SPOPL: variants seen among roughly 807,000 people sequenced by gnomAD.
SPOPL encodes the protein speckle-type POZ protein-like.
Under a neutral mutation model 53.8 loss-of-function variants are expected in SPOPL, and 23 were observed. The ratio of observed to expected loss-of-function variants is 0.43; its 90% confidence interval spans 0.31 to 0.61. SPOPL has a LOEUF of 0.61. Among genes scored for constraint, SPOPL ranks in the 20% least tolerant of loss-of-function variants. The pLI is 0.12. For missense variants in SPOPL, 442 were observed against 466.9 expected (o/e 0.95, Z 0.49); for synonymous variants, 164 against 149.7 (o/e 1.10, Z -0.70).
At chr2:138,512,063 T>G (rs1254642840) in intron 1 of SPOPL, among the ~76,000 whole-genome samples, 1 of 152,238 alleles carries the variant, frequency 6.6e-6, no homozygotes, top group Non-Finnish European at 1.5e-5. Context: ...TTAAATTGGT[T>G]AATTAAAACA....
intron 6 of SPOPL, 28 bp from the exon 7 acceptor site, chr2:138,559,253 TA>T: frequency 1.2e-6 from 2 of 1,611,538 alleles, no homozygotes; most frequent in Non-Finnish European, 1.7e-6. Flanking sequence ...CATTTATGCA[TA>T]AAATAATGAT....
intron 1 of SPOPL, among the ~76,000 whole-genome samples, chr2:138,547,821 A>G (rs1228565095): frequency 3.3e-5 from 5 of 152,118 alleles, no homozygotes; most frequent in African/African-American, 1.2e-4. Flanking sequence ...CAGTACCTCT[A>G]TATACTATTT....
intron 1 of SPOPL, among the ~76,000 whole-genome samples, chr2:138,509,086 T>C (rs1387641360): frequency 1.3e-5 from 2 of 152,172 alleles, no homozygotes; most frequent in African/African-American, 2.4e-5. Context: ...AATGATTTTT[T>C]TATTCTCAAG....
chr2:138,559,061 A>C lies in SPOPL; in HGVS notation c.520A>C (p.Thr174Pro). The C allele has an allele frequency of 6.2e-7, 1 of 1,613,016 alleles. No homozygotes were observed. The highest frequency in any genetic ancestry group is 8.5e-7 in the Non-Finnish European group (1 of 1,179,776). The change falls in exon 6 of 11, where the codon ACT (threonine) becomes CCT (proline). Residue 174 changes from threonine (T) to proline (P), a missense_variant. By Grantham distance (38) the Thr-to-Pro change is conservative. Transcript: ENST00000280098. ...AGATTCAGTAAACATATCAGGACATACTAATACAAATACTTTGAAGGTGCC... is the reference window on the plus strand; with the variant it reads ...AGATTCAGTAAACATATCAGGACATCCTAATACAAATACTTTGAAGGTGCC... The part of the protein sequence containing the change: ...VQDSVNISGH[T>P]NTNTLKVPEC...
intron 1 of SPOPL, among the ~76,000 whole-genome samples, chr2:138,541,195 T>C (rs1178166175): frequency 2.0e-5 from 3 of 152,210 alleles, no homozygotes; most frequent in Non-Finnish European, 4.4e-5. Flanking sequence ...GATAGTGGTC[T>C]AAAATTCTCT....
At chr2:138,517,901 A>G (rs1320461555) in intron 1 of SPOPL, among the ~76,000 whole-genome samples, 3 of 151,824 alleles carry the variant, frequency 2.0e-5, no homozygotes, top group Non-Finnish European at 4.4e-5. Flanking sequence ...TACAAAAATT[A>G]GCTGGGTGTG....
intron 1 of SPOPL, among the ~76,000 whole-genome samples, chr2:138,514,794 G>A (rs566457667): frequency 6.6e-6 from 1 of 152,138 alleles, no homozygotes; most frequent in Non-Finnish European, 1.5e-5. Flanking sequence ...TTCCAAAGTT[G>A]TTGTACCAAT....
chr2:138,542,349 A>G (rs1339100058), intron 1 of SPOPL, among the ~76,000 whole-genome samples: 1 of 152,128 alleles, frequency 6.6e-6, no homozygotes, highest in African/African-American at 2.4e-5. Context: ...AAAGTCTCCC[A>G]TTATTATTGT....
At chr2:138,565,364 T>C (rs1196314833) in intron 10 of SPOPL, among the ~76,000 whole-genome samples, 1 of 152,198 alleles carries the variant, frequency 6.6e-6, no homozygotes, top group Non-Finnish European at 1.5e-5. Context: ...AGAAAGCCTT[T>C]ACATTTGAAG....
intron 1 of SPOPL, among the ~76,000 whole-genome samples, chr2:138,534,272 A>G (rs1212058775): frequency 6.6e-6 from 1 of 152,220 alleles, no homozygotes; most frequent in Non-Finnish European, 1.5e-5. Flanking sequence ...GATCAAAAAT[A>G]TATGGGAAAA....
At chr2:138,550,036 CAT>C in intron 1 of SPOPL, 119 bp from the exon 2 acceptor site, 1 of 496,898 alleles carries the variant, frequency 2.0e-6, no homozygotes, top group Non-Finnish European at 3.6e-6. Flanking sequence ...AAAATTCTCA[CAT>C]GTTCCTTCAT....
At chr2:138,558,809 A>T (rs1685481418) in intron 5 of SPOPL, among the ~76,000 whole-genome samples, 1 of 152,172 alleles carries the variant, frequency 6.6e-6, no homozygotes, top group African/African-American at 2.4e-5. Context: ...TTATTTACAT[A>T]GAATAAATTG....
intron 1 of SPOPL, among the ~76,000 whole-genome samples, chr2:138,541,157 G>C (rs1393101893): frequency 6.6e-6 from 1 of 152,154 alleles, no homozygotes; most frequent in Non-Finnish European, 1.5e-5. Flanking sequence ...GTATTTTATT[G>C]AGGATTTTTG....
At chr2:138,539,467 T>C (rs1685016270) in intron 1 of SPOPL, among the ~76,000 whole-genome samples, 1 of 152,128 alleles carries the variant, frequency 6.6e-6, no homozygotes, top group South Asian at 2.1e-4. Context: ...TGGTATCTCA[T>C]TGTGGTTTTG....
Position 138,564,761 on chromosome 2 carries a change from C to G in SPOPL, c.891C>G (p.Leu297=). The G allele has an allele frequency of 2.5e-6, 4 of 1,614,148 alleles. No homozygotes were observed. Among genetic ancestry groups the G allele is most frequent in the Non-Finnish European group, 3.4e-6 (4 of 1,180,020 alleles). Residue 297 remains leucine (L), a synonymous_variant, in exon 9 of 11, where the codon CTC becomes CTG. Coordinates refer to ENST00000280098, the MANE Select transcript of SPOPL (RefSeq NM_001001664.3). The part of the protein sequence containing the change: ...VMCEEALCSN[L]SVENVADTLV... ...GCGAAGAAGCTTTGTGTAGTAACCTCTCAGTAGAGAATGTTGCAGATACCC... is the reference window on the plus strand; with the variant it reads ...GCGAAGAAGCTTTGTGTAGTAACCTGTCAGTAGAGAATGTTGCAGATACCC...
chr2:138,569,586 C>CT lies in SPOPL; in HGVS notation c.*508dup, dbSNP rs1302272672. ...TATAAATATGGGAGAACCCTCTTACCTTCAAGGTAAGTTATGGCAATACAC... is the reference window on the plus strand; with the variant it reads ...TATAAATATGGGAGAACCCTCTTACCTTTCAAGGTAAGTTATGGCAATACAC... On this transcript the variant is annotated 3_prime_UTR_variant, in exon 11 of 11. Transcript: ENST00000280098. 1 of 152,222 alleles carries CT rather than the reference C, an allele frequency of 6.6e-6. No individual in the cohort carries two copies. Among genetic ancestry groups the CT allele is most frequent in the East Asian group, 1.9e-4 (1 of 5,192 alleles). 9.4% of individuals were successfully genotyped at this position (152,222 alleles called of 1,614,324 possible). A position where few individuals can be genotyped will look rare whatever the true frequency, so the allele number is the denominator to read the frequency against.
Position 138,569,035 on chromosome 2 carries a change from G to T in SPOPL, c.1134G>T (p.Gln378His), listed in dbSNP as rs1685725017. ...AEAFRALASAQCPQFGIPRKR... is the reference protein window; with the variant it reads ...AEAFRALASAHCPQFGIPRKR... ...CCTTTCGAGCACTAGCATCTGCACAGTGTCCACAGTTTGGCATTCCACGCA... is the reference window on the plus strand; with the variant it reads ...CCTTTCGAGCACTAGCATCTGCACATTGTCCACAGTTTGGCATTCCACGCA... The change falls in exon 11 of 11, where the codon CAG (glutamine) becomes CAT (histidine). Residue 378 changes from glutamine (Q) to histidine (H), a missense_variant. By Grantham distance (24) the Gln-to-His change is conservative (BLOSUM62 0). Transcript: ENST00000280098. 5.6e-6 allele frequency: 9 copies of T among 1,613,856 alleles called. No individual in the cohort carries two copies. Among genetic ancestry groups the T allele is most frequent in the Non-Finnish European group, 7.6e-6 (9 of 1,179,930 alleles).
chr2:138,560,577 T>C (rs16840700), intron 7 of SPOPL, among the ~76,000 whole-genome samples: 9,368 of 152,056 alleles, frequency 0.062, 773 homozygotes, highest in East Asian at 0.34. Context: ...TCCGATAGTG[T>C]ATGCTTTTCC....
chr2:138,544,081 C>T (rs915659514), intron 1 of SPOPL, among the ~76,000 whole-genome samples: 1 of 152,198 alleles, frequency 6.6e-6, no homozygotes, highest in Admixed American at 6.5e-5. Context: ...GCTGCCTAAT[C>T]GTTCCTCTGG....
Sources: allele counts gnomAD v4.1 joint callset (sites outside exome capture counted in the v4.1 genomes callset), GRCh38; gene constraint gnomAD v4.1.1; transcripts MANE v1.5; gene names NCBI Gene and HGNC (gene_info 2026-07-23, HGNC 2026-07-21).